EDIL3: variants seen among roughly 807,000 people sequenced by gnomAD.
EDIL3 encodes the protein EGF like and discoidin domains 3.
Under a neutral mutation model 67.4 loss-of-function variants are expected in EDIL3, and 37 were observed. The observed-to-expected ratio is 0.55, with a 90% CI of 0.42 to 0.72. The LOEUF (loss-of-function observed/expected upper bound fraction) is 0.72, where lower values mean the gene tolerates loss of function less well. EDIL3 is among the 30% of genes least tolerant of loss of function. The probability of loss-of-function intolerance (pLI) is 0.00; values close to 1 mark genes in which losing one functional copy is unlikely to be tolerated. For synonymous variants in EDIL3, 195 were observed against 196.3 expected, an observed-to-expected ratio of 0.99 and a Z score of 0.05; for missense variants, 527 against 586.3, an observed-to-expected ratio of 0.90 and a Z score of 1.04.
At chr5:83,982,898 A>G (rs1744995100) in intron 9 of EDIL3, among the ~76,000 whole-genome samples, 1 of 152,144 alleles carries the variant, frequency 6.6e-6, no homozygotes, top group African/African-American at 2.4e-5. Flanking sequence ...GGACCCTACA[A>G]AAGGGCTCCT....
intron 10 of EDIL3, among the ~76,000 whole-genome samples, chr5:83,950,745 T>C (rs1744405209): frequency 6.6e-6 from 1 of 151,836 alleles, no homozygotes; most frequent in African/African-American, 2.4e-5. Flanking sequence ...TCCTCTTGCA[T>C]ATTTCAGTAA....
chr5:84,185,338 G>A (rs574066613), intron 3 of EDIL3, among the ~76,000 whole-genome samples: 2 of 152,086 alleles, frequency 1.3e-5, no homozygotes, highest in Non-Finnish European at 2.9e-5. Flanking sequence ...CAGGAAATGG[G>A]TCACAGTGTA....
chr5:84,012,075 T>TG (rs1178777146), intron 9 of EDIL3, among the ~76,000 whole-genome samples: 1 of 152,192 alleles, frequency 6.6e-6, no homozygotes, highest in Non-Finnish European at 1.5e-5. Flanking sequence ...GCTCAATAAA[T>TG]GTTTGTTGAA....
intron 1 of EDIL3, among the ~76,000 whole-genome samples, chr5:84,375,533 T>A (rs1747950389): frequency 2.0e-5 from 3 of 152,148 alleles, no homozygotes. Flanking sequence ...TAAGGCAAAT[T>A]AAATATCTTC....
chr5:84,193,390 C>T (rs1285223671), intron 3 of EDIL3, among the ~76,000 whole-genome samples: 2 of 151,738 alleles, frequency 1.3e-5, no homozygotes, highest in Non-Finnish European at 2.9e-5. Flanking sequence ...ATATTGGTGC[C>T]ATTCACTGAA....
intron 9 of EDIL3, among the ~76,000 whole-genome samples, chr5:83,990,358 G>A (rs1745128000): frequency 6.6e-6 from 1 of 151,808 alleles, no homozygotes; most frequent in South Asian, 2.1e-4. Context: ...GTGGTGGCAT[G>A]CGCCTGTAAT....
intron 1 of EDIL3, among the ~76,000 whole-genome samples, chr5:84,348,741 C>A (rs1468189449): frequency 1.3e-5 from 2 of 152,086 alleles, no homozygotes; most frequent in Non-Finnish European, 2.9e-5. Flanking sequence ...AGAGAATTCA[C>A]CAACACACAG....
At chr5:84,199,134 C>T (rs1161953625) in intron 3 of EDIL3, among the ~76,000 whole-genome samples, 4 of 151,938 alleles carry the variant, frequency 2.6e-5, no homozygotes, top group African/African-American at 9.7e-5. Context: ...TCATCTTTAT[C>T]AGAAGGGCCT....
chr5:84,257,259 C>T (rs1198034348), intron 1 of EDIL3, among the ~76,000 whole-genome samples: 15 of 152,130 alleles, frequency 9.9e-5, no homozygotes, highest in Non-Finnish European at 1.5e-5. Flanking sequence ...TTCTACCAGG[C>T]ATGTGGGCCA....
chr5:84,126,504 ACATT>A lies in EDIL3; in HGVS notation c.469+10733_469+10736del, dbSNP rs568287092. Among the ~76,000 whole-genome samples, 19 of 152,216 alleles carry A rather than the reference ACATT, an allele frequency of 1.2e-4. No individual in the cohort carries two copies. The South Asian group carries it at 3.5e-3, about 28-fold the overall frequency. On this transcript the variant is annotated intron_variant, in intron 5 of 10. Transcript: ENST00000296591. ...TCAATGTATATGCTGATCTATTAATACATTAAGTAGTAGCAGATCTACTATAGTT... is the reference window on the plus strand; with the variant it reads ...TCAATGTATATGCTGATCTATTAATAAAGTAGTAGCAGATCTACTATAGTT...
chr5:84,229,379 T>C (rs1744517867), intron 3 of EDIL3, among the ~76,000 whole-genome samples: 1 of 152,138 alleles, frequency 6.6e-6, no homozygotes, highest in South Asian at 2.1e-4. Flanking sequence ...ATAAAATGAG[T>C]GAGGCAGACA....
Position 84,265,809 on chromosome 5 carries a change from C to A in EDIL3, c.68-11597G>T, listed in dbSNP as rs763129024. 2.6e-5 allele frequency among the ~76,000 whole-genome samples: 4 copies of A among 152,274 alleles called. No homozygotes were observed. In the South Asian group the frequency reaches 8.3e-4, roughly 32 times the overall value. On this transcript the variant is annotated intron_variant, in intron 1 of 10. Coordinates refer to ENST00000296591, the MANE Select transcript of EDIL3 (RefSeq NM_005711.5). ...AGATTTAATGGCTATATGGCCAATG[C>A]GTTTCCTTAATGTATGGGAGTTCTT... is the stretch of plus-strand genomic sequence containing the variant.
chr5:84,155,439 G>A (rs941912968), intron 4 of EDIL3, among the ~76,000 whole-genome samples: 3 of 152,154 alleles, frequency 2.0e-5, no homozygotes, highest in Middle Eastern at 3.4e-3. Flanking sequence ...GTCTAGAATT[G>A]TTTTTCATTC....
intron 9 of EDIL3, among the ~76,000 whole-genome samples, chr5:84,058,482 G>T (rs1360384163): frequency 6.6e-6 from 1 of 152,110 alleles, no homozygotes; most frequent in African/African-American, 2.4e-5. Flanking sequence ...TGGTAGCACT[G>T]GTGATAGAAG....
chr5:84,127,332 T>C (rs1449581141), intron 5 of EDIL3, among the ~76,000 whole-genome samples: 1 of 152,258 alleles, frequency 6.6e-6, no homozygotes, highest in South Asian at 2.1e-4. Flanking sequence ...GGATACTTTA[T>C]GTTTCCATTC....
intron 3 of EDIL3, among the ~76,000 whole-genome samples, chr5:84,196,121 T>C (rs1743698783): frequency 6.6e-6 from 1 of 151,998 alleles, no homozygotes; most frequent in African/African-American, 2.4e-5. Context: ...ACCTTCAAAA[T>C]GCTGTATGGC....
intron 4 of EDIL3, among the ~76,000 whole-genome samples, chr5:84,165,982 CT>C (rs1748696943): frequency 6.6e-6 from 1 of 152,136 alleles, no homozygotes; most frequent in Non-Finnish European, 1.5e-5. Context: ...TCTTTTCTTG[CT>C]TCTGCCTCAC....
At chr5:84,033,573 A>G (rs1215718513) in intron 9 of EDIL3, among the ~76,000 whole-genome samples, 2 of 151,906 alleles carry the variant, frequency 1.3e-5, no homozygotes, top group Non-Finnish European at 2.9e-5. Context: ...GTGTGGTGGC[A>G]CACGCCTGTA....
intron 1 of EDIL3, among the ~76,000 whole-genome samples, chr5:84,278,707 T>C (rs1007545839): frequency 1.8e-4 from 27 of 152,194 alleles, no homozygotes; most frequent in Admixed American, 1.8e-3. Flanking sequence ...ATAGTGCAGA[T>C]TGCCAATGCA....
Sources: allele counts gnomAD v4.1 joint callset (sites outside exome capture counted in the v4.1 genomes callset), GRCh38; gene constraint gnomAD v4.1.1; transcripts MANE v1.5; gene names NCBI Gene and HGNC (gene_info 2026-07-23, HGNC 2026-07-21).